Variants in PCDHA2 observed in about 807,000 individuals in gnomAD.
PCDHA2 encodes protocadherin alpha 2, also known as protocadherin alpha-2.
PCDHA2 carries 58 observed loss-of-function variants against 66.0 expected under a neutral mutation model. That is an observed-to-expected ratio of 0.88 (90% CI 0.71 to 1.09). PCDHA2 has a LOEUF of 1.09. PCDHA2 is among the 50% of genes least tolerant of loss of function. The pLI, the probability that PCDHA2 is intolerant of heterozygous loss-of-function variation, is 0.00. For synonymous variants in PCDHA2, 634 were observed against 554.0 expected (o/e 1.14, Z -2.03); for missense variants, 1,267 against 1,242.3 (o/e 1.02, Z -0.30).
At chr5:140,992,807 C>G (rs781970284) in intron 3 of PCDHA2, among the ~76,000 whole-genome samples, 6 of 152,108 alleles carry the variant, frequency 3.9e-5, no homozygotes, top group Non-Finnish European at 4.4e-5. Flanking sequence ...CCATATGTAT[C>G]TAAGGATGTG....
chr5:140,831,514 C>A (rs2150195382), intron 1 of PCDHA2, among the ~76,000 whole-genome samples: 1,950 of 132,850 alleles, frequency 0.015, 29 homozygotes, highest in African/African-American at 0.055. Flanking sequence ...CCACCATGCC[C>A]CCCACCTTTT....
chr5:140,942,924 T>A (rs2093394309), intron 1 of PCDHA2, among the ~76,000 whole-genome samples: 1 of 151,518 alleles, frequency 6.6e-6, no homozygotes, highest in African/African-American at 2.4e-5. Context: ...AAAAAAAAAA[T>A]TGAAAAAGAG....
intron 1 of PCDHA2, chr5:140,850,196 A>T: frequency 6.3e-7 from 1 of 1,592,830 alleles, no homozygotes; most frequent in Non-Finnish European, 8.6e-7. Flanking sequence ...CGCTGCTGAC[A>T]CCTCGGATGA....
At chr5:140,856,713 C>T in intron 1 of PCDHA2, 1 of 1,596,470 alleles carries the variant, frequency 6.3e-7, no homozygotes, top group Non-Finnish European at 8.6e-7. Context: ...CCTGAATTTA[C>T]CGGATCTGTT....
intron 1 of PCDHA2, among the ~76,000 whole-genome samples, chr5:140,881,833 A>G (rs1371458560): frequency 6.6e-6 from 1 of 152,252 alleles, no homozygotes; most frequent in Non-Finnish European, 1.5e-5. Flanking sequence ...AAAGTTCTGC[A>G]TGGAATTCTT....
intron 1 of PCDHA2, chr5:140,853,175 G>A: frequency 1.0e-6 from 1 of 970,848 alleles, no homozygotes. Flanking sequence ...CACCGCGCCT[G>A]GCCTAAAATG....
chr5:140,981,101 G>A (rs1484209084), intron 2 of PCDHA2, among the ~76,000 whole-genome samples: 1 of 152,196 alleles, frequency 6.6e-6, no homozygotes, highest in Non-Finnish European at 1.5e-5. Flanking sequence ...TTTAATGAGT[G>A]AATTTCTACT....
At chr5:140,973,870 T>A (rs2153801427) in intron 1 of PCDHA2, among the ~76,000 whole-genome samples, 1 of 152,264 alleles carries the variant, frequency 6.6e-6, no homozygotes. Flanking sequence ...CAATGAGAGG[T>A]CAGAATAATG....
chr5:140,901,907 A>C (rs1204627106), intron 1 of PCDHA2, among the ~76,000 whole-genome samples: 1 of 150,942 alleles, frequency 6.6e-6, no homozygotes, highest in African/African-American at 2.4e-5. Context: ...CATTGTGGAG[A>C]TCTTTCACTT....
chr5:140,836,386 C>G, intron 1 of PCDHA2: 1 of 1,613,722 alleles, frequency 6.2e-7, no homozygotes, highest in Non-Finnish European at 8.5e-7. Context: ...GTGCTGGTGT[C>G]GCTGGTGGAA....
At chr5:140,983,142 CTTGGCATGCATG>C (rs1316699573) in intron 3 of PCDHA2, among the ~76,000 whole-genome samples, 4 of 152,212 alleles carry the variant, frequency 2.6e-5, no homozygotes, top group Admixed American at 6.5e-5. Flanking sequence ...CTTTTAGTGC[CTTGGCATGCATG>C]TTGCCAAACA....
chr5:140,838,077 AGT>A (rs2150283763), intron 1 of PCDHA2, among the ~76,000 whole-genome samples: 14,554 of 79,570 alleles, frequency 0.18, 836 homozygotes, highest in Admixed American at 0.23. Context: ...ATATATATAT[AGT>A]GTGTGTGTGT....
At chr5:140,948,564 T>C (rs1329949756) in intron 1 of PCDHA2, among the ~76,000 whole-genome samples, 1 of 151,688 alleles carries the variant, frequency 6.6e-6, no homozygotes, top group Non-Finnish European at 1.5e-5. Flanking sequence ...TTAAGTTGTA[T>C]TTTTTAAAGG....
chr5:140,892,461 G>A lies in PCDHA2; in HGVS notation c.2389-86488G>A, dbSNP rs187904355. On this transcript the variant is annotated intron_variant, in intron 1 of 3. Coordinates refer to ENST00000526136, the MANE Select transcript of PCDHA2 (RefSeq NM_018905.3). ...AAATTTACATGTATTCTTTAAGTAC[G>A]GTTATTCAGTTTCCTAGCCAAACAT... 2.1e-3 allele frequency among the ~76,000 whole-genome samples: 317 copies of A among 152,150 alleles called. 1 individual carries two copies. Among genetic ancestry groups the A allele is most frequent in the Non-Finnish European group, 3.5e-3 (237 of 68,004 alleles).
intron 1 of PCDHA2, chr5:140,849,883 T>A (rs2150456208): frequency 6.3e-7 from 1 of 1,598,406 alleles, no homozygotes; most frequent in Non-Finnish European, 8.6e-7. Context: ...TACACGGTGT[T>A]CGTGAAGGAG....
At chr5:141,006,634 A>G (rs1324728437) in intron 3 of PCDHA2, among the ~76,000 whole-genome samples, 4 of 152,220 alleles carry the variant, frequency 2.6e-5, no homozygotes, top group Non-Finnish European at 5.9e-5. Flanking sequence ...GCTGCAATTC[A>G]TATAAGAGAT....
At chr5:141,005,562 C>T (rs928721111) in intron 3 of PCDHA2, among the ~76,000 whole-genome samples, 2 of 151,226 alleles carry the variant, frequency 1.3e-5, no homozygotes, top group Admixed American at 6.6e-5. Flanking sequence ...ATTAGCCGGG[C>T]ATGGTGGCGC....
intron 1 of PCDHA2, chr5:140,966,215 A>G (rs1554228144): frequency 4.1e-6 from 1 of 244,868 alleles, no homozygotes; most frequent in Non-Finnish European, 7.7e-6. Flanking sequence ...CTTTTCCCAG[A>G]CTAATCTCCT....
chr5:140,868,477 A>T (rs1165630673), intron 1 of PCDHA2: 1 of 152,380 alleles, frequency 6.6e-6, no homozygotes, highest in Non-Finnish European at 1.5e-5. Flanking sequence ...ATAAAACTTC[A>T]ATTTTTTCTT....
Sources: allele counts gnomAD v4.1 joint callset (sites outside exome capture counted in the v4.1 genomes callset), GRCh38; gene constraint gnomAD v4.1.1; transcripts MANE v1.5; gene names NCBI Gene and HGNC (gene_info 2026-07-23, HGNC 2026-07-21).